The following UBOX5 variants were observed in gnomAD, a reference collection of about 807,000 sequenced individuals.
UBOX5 encodes the protein RING finger protein 37.
UBOX5 carries 28 observed loss-of-function variants against 39.0 expected under a neutral mutation model. The observed-to-expected ratio is 0.72, with a 90% CI of 0.53 to 0.98. The LOEUF is 0.98. UBOX5 is among the 50% of genes least tolerant of loss of function. The probability of loss-of-function intolerance (pLI) is 0.00; values close to 1 mark genes in which losing one functional copy is unlikely to be tolerated. For missense variants in UBOX5, 585 were observed against 674.4 expected, an observed-to-expected ratio of 0.87 and a Z score of 1.47; for synonymous variants, 283 against 275.5, an observed-to-expected ratio of 1.03 and a Z score of -0.27.
At chr20:3,141,408 G>A (rs1377183078) in intron 1 of UBOX5, among the ~76,000 whole-genome samples, 4 of 152,012 alleles carry the variant, frequency 2.6e-5, no homozygotes, top group African/African-American at 9.7e-5. Flanking sequence ...AACACTTTGG[G>A]AGGCCGAGGC....
intron 1 of UBOX5, chr20:3,146,632 G>T: frequency 3.3e-6 from 3 of 905,800 alleles, no homozygotes; most frequent in Non-Finnish European, 5.1e-6. Flanking sequence ...ACATACACTA[G>T]CTCTAACCTG....
At chr20:3,129,983 A>C (rs1332246001) in intron 1 of UBOX5, among the ~76,000 whole-genome samples, 1 of 152,206 alleles carries the variant, frequency 6.6e-6, no homozygotes, top group East Asian at 1.9e-4. Context: ...TGATCCCAGT[A>C]CTCTGGGAGA....
chr20:3,154,402 C>T (rs2066663866), intron 1 of UBOX5, among the ~76,000 whole-genome samples: 1 of 152,206 alleles, frequency 6.6e-6, no homozygotes, highest in Non-Finnish European at 1.5e-5. Context: ...TTACCACAGG[C>T]AGGATGCAAT....
Position 3,121,770 on chromosome 20 carries a change from T to TC in UBOX5, c.868dup (p.Glu290GlyfsTer4). 12 of 1,614,074 alleles carry TC rather than the reference T, an allele frequency of 7.4e-6. No homozygotes were observed. Among genetic ancestry groups the TC allele is most frequent in the Non-Finnish European group, 1.0e-5 (12 of 1,180,028 alleles). On this transcript the variant is annotated frameshift_variant, in exon 3 of 5. Coordinates refer to ENST00000217173, the MANE Select transcript of UBOX5 (RefSeq NM_014948.4). LOFTEE classifies it high-confidence loss of function. Reference sequence around the variant, plus strand: ...TGTGGCTTCACTGCGGTTACACTTCTCCAGTGTGCTCTGGTCGATGACCTT... The same window carrying TC: ...TGTGGCTTCACTGCGGTTACACTTCTCCCAGTGTGCTCTGGTCGATGACCTT...
In UBOX5 at chr20:3,130,452, C is replaced by T. The variant is rs186142063; in HGVS notation, c.-41-7046G>A. Among the ~76,000 whole-genome samples, 20 of 151,788 alleles carry T rather than the reference C, an allele frequency of 1.3e-4. 1 individual carries two copies. Among genetic ancestry groups the T allele is most frequent in the Admixed American group, 1.1e-3 (17 of 15,232 alleles). ...CCTCAAATTCGTGAGCTCAAGCAAT[C>T]CTCCTGCCTGAGTGCCCCAAGTCCT... On this transcript the variant is annotated intron_variant, in intron 1 of 4. Coordinates refer to ENST00000217173, the MANE Select transcript of UBOX5 (RefSeq NM_014948.4).
intron 1 of UBOX5, among the ~76,000 whole-genome samples, chr20:3,152,538 G>C (rs1228249109): frequency 6.6e-6 from 1 of 151,978 alleles, no homozygotes; most frequent in Non-Finnish European, 1.5e-5. Context: ...TTCGAATTTG[G>C]AATTTAATTT....
chr20:3,133,758 G>A (rs187748265), intron 1 of UBOX5, among the ~76,000 whole-genome samples: 8 of 119,010 alleles, frequency 6.7e-5, no homozygotes, highest in African/African-American at 2.8e-4. Flanking sequence ...ATTTTTTTTG[G>A]GGGGGGGAAA....
chr20:3,135,154 T>C (rs1312584080), intron 1 of UBOX5, among the ~76,000 whole-genome samples: 4 of 152,074 alleles, frequency 2.6e-5, no homozygotes, highest in Non-Finnish European at 5.9e-5. Flanking sequence ...AAAATTTTTT[T>C]AAAAAAACGT....
chr20:3,146,000 C>G (rs1418919186), intron 1 of UBOX5, among the ~76,000 whole-genome samples: 1 of 150,436 alleles, frequency 6.6e-6, no homozygotes, highest in African/African-American at 2.5e-5. Context: ...GAGCCAAGAT[C>G]GCGCCATTGC....
intron 1 of UBOX5, among the ~76,000 whole-genome samples, chr20:3,124,305 C>T (rs1031636886): frequency 6.6e-6 from 1 of 152,186 alleles, no homozygotes; most frequent in African/African-American, 2.4e-5. Context: ...GCTGCAACCT[C>T]CCTGCCTCGG....
intron 3 of UBOX5, among the ~76,000 whole-genome samples, chr20:3,120,441 G>A (rs1568470109): frequency 2.7e-5 from 4 of 150,702 alleles, no homozygotes; most frequent in Non-Finnish European, 5.9e-5. Context: ...AAGGTCAGGA[G>A]ATTGAGACCA....
chr20:3,134,557 GAAA>G (rs34926292), intron 1 of UBOX5, among the ~76,000 whole-genome samples: 20 of 81,940 alleles, frequency 2.4e-4, no homozygotes, highest in African/African-American at 3.6e-4. Context: ...GACCCCATCT[GAAA>G]AAAAAAAAAA....
intron 1 of UBOX5, among the ~76,000 whole-genome samples, chr20:3,141,966 T>C (rs2148613755): frequency 6.6e-6 from 1 of 152,056 alleles, no homozygotes; most frequent in Admixed American, 6.6e-5. Flanking sequence ...TGAGCCATAA[T>C]CATCCCACTG....
chr20:3,151,349 T>G (rs953371539), intron 1 of UBOX5, among the ~76,000 whole-genome samples: 1 of 152,248 alleles, frequency 6.6e-6, no homozygotes, highest in Non-Finnish European at 1.5e-5. Flanking sequence ...CATTATATAT[T>G]GTCTATGTCT....
intron 4 of UBOX5, among the ~76,000 whole-genome samples, chr20:3,114,258 CAG>C (rs2066276430): frequency 6.6e-6 from 1 of 151,874 alleles, no homozygotes; most frequent in Non-Finnish European, 1.5e-5. Context: ...ACTTGGGTAA[CAG>C]AGAATATTGA....
intron 1 of UBOX5, among the ~76,000 whole-genome samples, chr20:3,143,664 AG>A (rs1444092496): frequency 6.6e-6 from 1 of 152,072 alleles, no homozygotes; most frequent in African/African-American, 2.4e-5. Context: ...GCGTGGTGGC[AG>A]GTGCCTGTAA....
intron 1 of UBOX5, 22 bp from the exon 2 acceptor site, chr20:3,123,428 T>C (rs201880770): frequency 1.3e-6 from 2 of 1,503,454 alleles, no homozygotes; most frequent in East Asian, 4.5e-5. Flanking sequence ...AATAAAACTA[T>C]GTATTAGAAA....
Position 3,123,422 on chromosome 20 carries a change from A to C in UBOX5, c.-41-16T>G, listed in dbSNP as rs1029678235. On this transcript the variant is annotated splice_polypyrimidine_tract_variant and intron_variant, in intron 1 of 4. Coordinates refer to ENST00000217173, the MANE Select transcript of UBOX5 (RefSeq NM_014948.4). ...CAGAAGCAGCCTTAAATAAGAAATA[A>C]AACTATGTATTAGAAAATGTAAAAT... 1.2e-5 allele frequency: 18 copies of C among 1,525,052 alleles called. No individual in the cohort carries two copies. The African/African-American group carries it at 2.5e-4, about 21-fold the overall frequency. 94.5% of individuals were successfully genotyped at this position (1,525,052 alleles called of 1,614,324 possible). A position where few individuals can be genotyped will look rare whatever the true frequency, so the allele number is the denominator to read the frequency against.
intron 4 of UBOX5, chr20:3,111,858 G>A (rs1372144699): frequency 6.6e-6 from 1 of 152,252 alleles, no homozygotes; most frequent in African/African-American, 2.4e-5. Flanking sequence ...CACAGGGCAA[G>A]TGCTCCATCC....
Sources: allele counts gnomAD v4.1 joint callset (sites outside exome capture counted in the v4.1 genomes callset), GRCh38; gene constraint gnomAD v4.1.1; transcripts MANE v1.5; gene names NCBI Gene and HGNC (gene_info 2026-07-23, HGNC 2026-07-21).